Variants in RAB11FIP3 observed in about 807,000 individuals in gnomAD.
RAB11FIP3 encodes the protein rab11 family-interacting protein 3.
In RAB11FIP3, 17 loss-of-function variants were observed where a neutral mutation model predicts 77.8. The observed-to-expected ratio is 0.22, with a 90% CI of 0.15 to 0.33. The LOEUF (loss-of-function observed/expected upper bound fraction) is 0.33. Ranked by LOEUF, RAB11FIP3 falls within the 10% of genes least tolerant of loss-of-function variation. RAB11FIP3 has a pLI of 1.00. For synonymous variants in RAB11FIP3, 437 were observed against 448.2 expected (o/e 0.98, Z 0.31); for missense variants, 1,005 against 1,011.2 (o/e 0.99, Z 0.08).
chr16:482,463 TG>T, intron 3 of RAB11FIP3, 61 bp from the exon 4 acceptor site: 1 of 1,483,042 alleles, frequency 6.7e-7, no homozygotes, highest in Non-Finnish European at 9.4e-7. Flanking sequence ...CAGTGAGGTG[TG>T]GGGCGTTCGC....
At position 469,370 on chromosome 16, in the gene RAB11FIP3, G is replaced by A. The variant is rs549918498; in HGVS notation, c.809-1925G>A. Among the ~76,000 whole-genome samples the A allele has an allele frequency of 2.2e-3, 335 of 151,750 alleles. 2 individuals carry two copies. Among genetic ancestry groups the A allele is most frequent in the African/African-American group, 7.9e-3 (326 of 41,362 alleles). ...ATTGTAGGCGTGAGCCACCATGCCC[G>A]GCCTATTTTTTATTATTTTAAATGT... On this transcript the variant is annotated intron_variant, in intron 2 of 13. Coordinates refer to ENST00000262305, the MANE Select transcript of RAB11FIP3 (RefSeq NM_014700.4).
chr16:478,609 G>T (rs1180152843), intron 3 of RAB11FIP3, among the ~76,000 whole-genome samples: 2 of 152,158 alleles, frequency 1.3e-5, no homozygotes, highest in African/African-American at 4.8e-5. Flanking sequence ...AGTCTTCTGA[G>T]CATGAAATGT....
chr16:493,251 C>CA (rs71139788), intron 5 of RAB11FIP3, among the ~76,000 whole-genome samples: 1,592 of 102,278 alleles, frequency 0.016, 28 homozygotes, highest in African/African-American at 0.033. Flanking sequence ...ACTCTGACTC[C>CA]AAAAAAAAAA....
At chr16:427,169 C>G (rs2054962377) in intron 1 of RAB11FIP3, among the ~76,000 whole-genome samples, 1 of 152,222 alleles carries the variant, frequency 6.6e-6, no homozygotes, top group Non-Finnish European at 1.5e-5. Context: ...GCCCAGACGC[C>G]TTGAGATCCT....
At chr16:493,150 C>G (rs1182410618) in intron 5 of RAB11FIP3, among the ~76,000 whole-genome samples, 6 of 149,584 alleles carry the variant, frequency 4.0e-5, no homozygotes, top group African/African-American at 1.5e-4. Context: ...ACTTGGGAGG[C>G]TGAGATGGGA....
At chr16:484,400 G>A (rs961696151) in intron 4 of RAB11FIP3, among the ~76,000 whole-genome samples, 1 of 151,644 alleles carries the variant, frequency 6.6e-6, no homozygotes, top group Non-Finnish European at 1.5e-5. Flanking sequence ...CGCCCAGGCT[G>A]GAGTGCAGTG....
chr16:495,292 TAC>T (rs1441397226), intron 5 of RAB11FIP3, among the ~76,000 whole-genome samples: 1 of 152,150 alleles, frequency 6.6e-6, no homozygotes, highest in Non-Finnish European at 1.5e-5. Flanking sequence ...GCCCCCCAGC[TAC>T]AGTCACTGCC....
At chr16:458,455 C>G (rs28628740) in intron 1 of RAB11FIP3, among the ~76,000 whole-genome samples, 33 of 77,740 alleles carry the variant, frequency 4.2e-4, no homozygotes, top group South Asian at 7.5e-4. Context: ...CTCGGGTTCA[C>G]CGATGCCCAC....
chr16:462,291 G>A (rs921792636), intron 2 of RAB11FIP3, among the ~76,000 whole-genome samples: 4 of 152,048 alleles, frequency 2.6e-5, no homozygotes, highest in Non-Finnish European at 5.9e-5. Context: ...GCCCGATCTC[G>A]GCTTACTGCA....
chr16:453,115 G>C (rs1203038), intron 1 of RAB11FIP3, among the ~76,000 whole-genome samples: 2 of 147,872 alleles, frequency 1.4e-5, no homozygotes, highest in East Asian at 4.0e-4. Context: ...TCGCTCTGTT[G>C]CCCAGGCTAG....
intron 9 of RAB11FIP3, among the ~76,000 whole-genome samples, chr16:517,258 A>G (rs115693823): frequency 2.5e-3 from 383 of 152,290 alleles, no homozygotes; most frequent in African/African-American, 8.8e-3. Flanking sequence ...CTCACAGACC[A>G]GGGGACGGAG....
At chr16:466,262 T>C (rs1031632708) in intron 2 of RAB11FIP3, among the ~76,000 whole-genome samples, 2 of 152,074 alleles carry the variant, frequency 1.3e-5, no homozygotes, top group Non-Finnish European at 2.9e-5. Context: ...GGGTCTTTTG[T>C]AGGTTTGGAC....
intron 5 of RAB11FIP3, among the ~76,000 whole-genome samples, chr16:492,428 C>CCCGAGGCCGTCCAGGGCCCTCCCCG (rs2030524146): frequency 8.0e-6 from 1 of 124,726 alleles, no homozygotes; most frequent in Non-Finnish European, 1.7e-5. Flanking sequence ...GGGCCCTCCC[C>CCCGAGGCCGTCCAGGGCCCTCCCCG]GGGAGACCCG....
intron 4 of RAB11FIP3, among the ~76,000 whole-genome samples, chr16:484,439 C>T (rs1317059253): frequency 6.6e-6 from 1 of 152,132 alleles, no homozygotes; most frequent in Non-Finnish European, 1.5e-5. Flanking sequence ...GCAGCCTCCG[C>T]CTCCCAGGTT....
At chr16:497,025 G>C (rs1365442056) in intron 6 of RAB11FIP3, 166 bp downstream of exon 6, 1 of 734,478 alleles carries the variant, frequency 1.4e-6, no homozygotes, top group Non-Finnish European at 2.1e-6. Flanking sequence ...TGTTGGGAAA[G>C]GGGTTTCCAG....
At chr16:428,496 C>T (rs2054987579) in intron 1 of RAB11FIP3, among the ~76,000 whole-genome samples, 1 of 152,126 alleles carries the variant, frequency 6.6e-6, no homozygotes, top group Admixed American at 6.5e-5. Flanking sequence ...GTTACCATAA[C>T]CCAACTCTTG....
At chr16:509,203 C>T (rs982431303) in intron 8 of RAB11FIP3, among the ~76,000 whole-genome samples, 3 of 152,276 alleles carry the variant, frequency 2.0e-5, no homozygotes, top group African/African-American at 7.2e-5. Flanking sequence ...GCATCTCAAT[C>T]GGACTTTTAA....
chr16:455,217 C>T (rs1045481547), intron 1 of RAB11FIP3, among the ~76,000 whole-genome samples: 3 of 151,846 alleles, frequency 2.0e-5, no homozygotes, highest in African/African-American at 7.3e-5. Flanking sequence ...CCATGGCTCA[C>T]GCCGGTAATC....
rs560037510 is a variant in RAB11FIP3, at chr16:434,332, C to T, written c.714+7612C>T. Among the ~76,000 whole-genome samples the T allele has an allele frequency of 8.5e-5, 13 of 152,344 alleles. 1 individual carries two copies. In the East Asian group the frequency reaches 2.1e-3, roughly 25 times the overall value. On this transcript the variant is annotated intron_variant, in intron 1 of 13. Transcript: ENST00000262305. The stretch of plus-strand genomic sequence containing the variant: ...GAGGCGGGGTTTCGCCATGTTAGCC[C>T]AGGCTGGTCTCGCGCTCCTGACCTC...
Sources: allele counts gnomAD v4.1 joint callset (sites outside exome capture counted in the v4.1 genomes callset), GRCh38; gene constraint gnomAD v4.1.1; transcripts MANE v1.5; gene names NCBI Gene and HGNC (gene_info 2026-07-23, HGNC 2026-07-21).